EPHA3: variants seen among roughly 807,000 people sequenced by gnomAD.
The protein encoded by EPHA3 is ephrin type-A receptor 3.
A neutral mutation model predicts 107.1 loss-of-function variants in EPHA3; 42 were observed. The ratio of observed to expected loss-of-function variants is 0.39; its 90% CI spans 0.31 to 0.51. The LOEUF is 0.51. Ranked by LOEUF, EPHA3 falls within the 20% of genes least tolerant of loss-of-function variation. The pLI is 0.78. For synonymous variants in EPHA3, 461 were observed against 424.8 expected (o/e 1.09, Z -1.05); for missense variants, 1,183 against 1,211.2 (o/e 0.98, Z 0.35).
chr3:89,169,627 T>C (rs1250591004), intron 2 of EPHA3, among the ~76,000 whole-genome samples: 1 of 152,234 alleles, frequency 6.6e-6, no homozygotes, highest in Non-Finnish European at 1.5e-5. Context: ...TGTGTATATT[T>C]TCAGATATCA....
intron 11 of EPHA3, among the ~76,000 whole-genome samples, chr3:89,420,310 G>A (rs944432376): frequency 2.6e-5 from 4 of 151,392 alleles, no homozygotes; most frequent in African/African-American, 7.3e-5. Context: ...ATTTTATAGA[G>A]CATTTTCCAA....
chr3:89,161,958 T>A (rs1023819317), intron 2 of EPHA3, among the ~76,000 whole-genome samples: 1 of 151,360 alleles, frequency 6.6e-6, no homozygotes, highest in African/African-American at 2.4e-5. Flanking sequence ...GCCTGGGTGA[T>A]GGGAGTGAGA....
intron 2 of EPHA3, among the ~76,000 whole-genome samples, chr3:89,158,164 AT>A (rs1350654710): frequency 1.3e-5 from 2 of 152,170 alleles, no homozygotes; most frequent in Admixed American, 6.6e-5. Flanking sequence ...TACAATGAAA[AT>A]AAGTAAATTA....
chr3:89,132,632 G>A (rs1224353910), intron 2 of EPHA3, among the ~76,000 whole-genome samples: 5 of 152,062 alleles, frequency 3.3e-5, no homozygotes, highest in African/African-American at 1.2e-4. Flanking sequence ...CGCTTTGAGA[G>A]ACCAAGGCAG....
At chr3:89,434,636 T>C (rs1709632497) in intron 13 of EPHA3, among the ~76,000 whole-genome samples, 1 of 152,186 alleles carries the variant, frequency 6.6e-6, no homozygotes. Flanking sequence ...CTTTAGATGA[T>C]TCATACTCTG....
At chr3:89,440,985 A>G (rs1709771274) in intron 13 of EPHA3, among the ~76,000 whole-genome samples, 1 of 152,220 alleles carries the variant, frequency 6.6e-6, no homozygotes, top group Non-Finnish European at 1.5e-5. Flanking sequence ...AGCTATGGTC[A>G]TAAGTCAGCA....
intron 3 of EPHA3, among the ~76,000 whole-genome samples, chr3:89,302,175 AGTT>A (rs1224318751): frequency 7.9e-5 from 12 of 152,126 alleles, no homozygotes; most frequent in Non-Finnish European, 1.5e-4. Flanking sequence ...ATTCAAAAAA[AGTT>A]GTCATCTGTC....
In EPHA3 at chr3:89,342,100, T is replaced by A; in HGVS notation, c.1306+10T>A. The A allele has an allele frequency of 6.3e-7, 1 of 1,597,826 alleles. No individual in the cohort carries two copies. The highest frequency in any genetic ancestry group is 8.5e-7 in the Non-Finnish European group (1 of 1,170,542). ...ACAACTAATCAGGCTGGTGAGTACA[T>A]ACTAGATGCTTCTTACTCTTATCAT... is the stretch of plus-strand genomic sequence containing the variant. On this transcript the variant is annotated intron_variant, in intron 5 of 16. Transcript: ENST00000336596.
In EPHA3 at chr3:89,259,442, G is replaced by A. The variant is rs113816723; in HGVS notation, c.814+48922G>A. Among the ~76,000 whole-genome samples the A allele has an allele frequency of 4.0e-3, 607 of 152,274 alleles. 2 individuals are homozygous for A. The highest frequency in any genetic ancestry group is 0.01 in the Admixed American group (154 of 15,290). ...GAAATATGCTTGGAACATGCTAGGC[G>A]TTCACTAAATAAGTGTTGAATTAAC... On this transcript the variant is annotated intron_variant, in intron 3 of 16. Transcript: ENST00000336596.
Position 89,408,117 on chromosome 3 carries a change from T to C in EPHA3, c.1748T>C (p.Phe583Ser), listed in dbSNP as rs1351210663. The change falls in exon 9 of 17, where the codon TTT becomes TCT. Residue 583 changes from phenylalanine to serine, a missense_variant. Phe to Ser is a radical substitution (Grantham distance 155). Coordinates refer to ENST00000336596, the MANE Select transcript of EPHA3 (RefSeq NM_005233.6). ...GGGGCAGATGAAAAAAGACTTCATT[T>C]TGGCAATGGGCATTGTAAGTTTCTA... is the stretch of plus-strand genomic sequence containing the variant. ...KHGADEKRLH[F>S]GNGHLKLPGL... 1.2e-6 allele frequency: 2 copies of C among 1,612,780 alleles called. No individual in the cohort carries two copies. The highest frequency in any genetic ancestry group is 1.7e-6 in the Non-Finnish European group (2 of 1,179,102).
chr3:89,397,934 G>A (rs1708883905), intron 6 of EPHA3, among the ~76,000 whole-genome samples: 1 of 151,966 alleles, frequency 6.6e-6, no homozygotes, highest in African/African-American at 2.4e-5. Context: ...CAAATCTATT[G>A]ATTATTCCCT....
At chr3:89,249,680 C>T (rs1331754523) in intron 3 of EPHA3, among the ~76,000 whole-genome samples, 1 of 152,112 alleles carries the variant, frequency 6.6e-6, no homozygotes, top group East Asian at 1.9e-4. Flanking sequence ...TCACTGGCCT[C>T]AAACTCCTGA....
chr3:89,258,672 G>A (rs968341930), intron 3 of EPHA3, among the ~76,000 whole-genome samples: 28 of 152,214 alleles, frequency 1.8e-4, no homozygotes, highest in Non-Finnish European at 2.6e-4. Context: ...AATTAAGTAC[G>A]AAAACAAAAG....
At chr3:89,358,207 G>A (rs1322521725) in intron 5 of EPHA3, among the ~76,000 whole-genome samples, 2 of 150,786 alleles carry the variant, frequency 1.3e-5, no homozygotes. Flanking sequence ...GTTAAATAAG[G>A]GTTATGGCTA....
chr3:89,120,329 A>T (rs932482282), intron 1 of EPHA3, among the ~76,000 whole-genome samples: 14 of 152,208 alleles, frequency 9.2e-5, no homozygotes, highest in African/African-American at 3.4e-4. Flanking sequence ...TTTGGGAGAC[A>T]CATTTTACTC....
chr3:89,204,357 G>A (rs1277199904), intron 2 of EPHA3, among the ~76,000 whole-genome samples: 1 of 151,778 alleles, frequency 6.6e-6, no homozygotes, highest in Admixed American at 6.6e-5. Flanking sequence ...TGCCCTTTTC[G>A]GTCATATTTG....
At chr3:89,182,053 CTTAT>C (rs1705454663) in intron 2 of EPHA3, among the ~76,000 whole-genome samples, 1 of 150,986 alleles carries the variant, frequency 6.6e-6, no homozygotes, top group South Asian at 2.1e-4. Flanking sequence ...TGGTTTTCCT[CTTAT>C]TTGATGACCA....
chr3:89,432,364 C>A, intron 13 of EPHA3, among the ~76,000 whole-genome samples: 1 of 152,092 alleles, frequency 6.6e-6, no homozygotes, highest in East Asian at 1.9e-4. Context: ...GTGAGCTTTT[C>A]TGTTGTTGTT....
At chr3:89,400,108 CA>C in intron 7 of EPHA3, 1 of 973,340 alleles carries the variant, frequency 1.0e-6, no homozygotes, top group South Asian at 4.8e-5. Context: ...ATATAATTTT[CA>C]AAAAGGTAAA....
Sources: allele counts gnomAD v4.1 joint callset (sites outside exome capture counted in the v4.1 genomes callset), GRCh38; gene constraint gnomAD v4.1.1; transcripts MANE v1.5; gene names NCBI Gene and HGNC (gene_info 2026-07-23, HGNC 2026-07-21).